The following SLC9B2 variants were observed in gnomAD, a reference collection of about 807,000 sequenced individuals.
The protein encoded by SLC9B2 is sodium/hydrogen exchanger 9B2.
In SLC9B2, 39 loss-of-function variants were observed where a neutral mutation model predicts 52.2. The observed-to-expected ratio is 0.75, with a 90% CI of 0.58 to 0.98. SLC9B2 has a LOEUF of 0.98. Among genes scored for constraint, SLC9B2 ranks in the 50% least tolerant of loss-of-function variants. The probability of loss-of-function intolerance (pLI) is 0.00; values close to 1 mark genes in which losing one functional copy is unlikely to be tolerated. For synonymous variants in SLC9B2, 214 were observed against 227.0 expected (o/e 0.94, Z 0.51); for missense variants, 626 against 637.5 (o/e 0.98, Z 0.19).
intron 9 of SLC9B2, among the ~76,000 whole-genome samples, chr4:103,036,626 T>C (rs1202195889): frequency 7.0e-6 from 1 of 141,958 alleles, no homozygotes; most frequent in East Asian, 2.0e-4. Context: ...GGAGTAATTA[T>C]GAAACACAAA....
At chr4:103,044,200 C>T (rs1289070393) in intron 8 of SLC9B2, among the ~76,000 whole-genome samples, 4 of 152,166 alleles carry the variant, frequency 2.6e-5, no homozygotes, top group African/African-American at 9.7e-5. Flanking sequence ...AGTCACTTAT[C>T]CTGCCTAAGC....
chr4:103,043,731 C>T (rs530233042), intron 8 of SLC9B2, among the ~76,000 whole-genome samples: 3 of 152,266 alleles, frequency 2.0e-5, no homozygotes, highest in East Asian at 3.9e-4. Flanking sequence ...AGTACATGAG[C>T]TTTGGAGCTG....
At chr4:103,042,891 T>G (rs911740484) in intron 9 of SLC9B2, among the ~76,000 whole-genome samples, 2 of 152,098 alleles carry the variant, frequency 1.3e-5, no homozygotes, top group African/African-American at 4.8e-5. Context: ...TGGCACTATT[T>G]TTTTTCTTTC....
chr4:103,058,873 G>A (rs1392132150), intron 3 of SLC9B2, among the ~76,000 whole-genome samples: 1 of 152,108 alleles, frequency 6.6e-6, no homozygotes, highest in Non-Finnish European at 1.5e-5. Flanking sequence ...ACCAGCCTGA[G>A]CAACATAGTG....
intron 1 of SLC9B2, among the ~76,000 whole-genome samples, 170 bp from the exon 2 acceptor site, chr4:103,067,762 T>C (rs1417344632): frequency 6.6e-6 from 1 of 152,224 alleles, no homozygotes; most frequent in African/African-American, 2.4e-5. Context: ...GATTCTAGTA[T>C]ATTATCATCA....
chr4:103,070,058 T>C (rs1307566020), intron 1 of SLC9B2, among the ~76,000 whole-genome samples: 1 of 152,190 alleles, frequency 6.6e-6, no homozygotes, highest in Non-Finnish European at 1.5e-5. Context: ...AAAGTACTTA[T>C]ACATGATCAG....
chr4:103,047,843 C>G (rs1218007551), intron 6 of SLC9B2, among the ~76,000 whole-genome samples: 5 of 152,068 alleles, frequency 3.3e-5, no homozygotes, highest in Non-Finnish European at 5.9e-5. Flanking sequence ...TCCAGAAAAA[C>G]ATGTATGTGT....
At chr4:103,038,633 C>A (rs564502465) in intron 9 of SLC9B2, among the ~76,000 whole-genome samples, 2 of 152,078 alleles carry the variant, frequency 1.3e-5, no homozygotes, top group African/African-American at 4.8e-5. Flanking sequence ...TAGTAAGAAT[C>A]TGAAAAAATA....
chr4:103,041,433 T>C (rs1743631279), intron 9 of SLC9B2, among the ~76,000 whole-genome samples: 1 of 152,220 alleles, frequency 6.6e-6, no homozygotes, highest in Admixed American at 6.5e-5. Flanking sequence ...CATTTATAGA[T>C]AACCACATTA....
chr4:103,041,597 A>G (rs2110597727), intron 9 of SLC9B2, among the ~76,000 whole-genome samples: 1 of 152,276 alleles, frequency 6.6e-6, no homozygotes, highest in South Asian at 2.1e-4. Flanking sequence ...TCTGTTTCAA[A>G]TGATATTGCT....
chr4:103,064,432 G>T (rs1745925381), intron 3 of SLC9B2, among the ~76,000 whole-genome samples: 1 of 152,164 alleles, frequency 6.6e-6, no homozygotes, highest in Non-Finnish European at 1.5e-5. Context: ...CTCATATGTA[G>T]AATCTAAAAC....
chr4:103,046,510 G>C, intron 7 of SLC9B2, among the ~76,000 whole-genome samples: 1 of 152,112 alleles, frequency 6.6e-6, no homozygotes, highest in East Asian at 1.9e-4. Context: ...GTATTAATGG[G>C]ACATCCATTA....
Position 103,026,379 on chromosome 4 carries a change from C to A in SLC9B2, c.1605G>T (p.Val535=). 1 of 1,610,146 alleles carries A rather than the reference C, an allele frequency of 6.2e-7. No homozygotes were observed. The highest frequency in any genetic ancestry group is 2.2e-5 in the East Asian group (1 of 44,800). ...CTCTCTCTTTTCACCTCTAAACTTG[C>A]ACAGAAGTCTCTCCTTGAACTTCTT... is the stretch of plus-strand genomic sequence containing the variant. ...KDEEVQGETS[V]QV Residue 535 remains valine (V), a synonymous_variant, in exon 12 of 12, where the codon GTG becomes GTT. Coordinates refer to ENST00000394785, the MANE Select transcript of SLC9B2 (RefSeq NM_178833.7).
At chr4:103,026,640 A>G in intron 11 of SLC9B2, 49 bp from the exon 12 acceptor site, 1 of 1,527,366 alleles carries the variant, frequency 6.5e-7, no homozygotes, top group Non-Finnish European at 8.8e-7. Flanking sequence ...ATAAGCACAT[A>G]TAAAAAAAGT....
At position 103,057,844 on chromosome 4, in the gene SLC9B2, C is replaced by A. The variant is rs758938183; in HGVS notation, c.399G>T (p.Gly133=). The A allele has an allele frequency of 6.2e-7, 1 of 1,613,668 alleles. No individual in the cohort carries two copies. The highest frequency in any genetic ancestry group is 1.1e-5 in the South Asian group (1 of 90,930). Residue 133 remains glycine (G), a synonymous_variant, in exon 4 of 12, where the codon GGG becomes GGT. Coordinates refer to ENST00000394785, the MANE Select transcript of SLC9B2 (RefSeq NM_178833.7). ...GAGGCAATGTAGGTAACTTAATAAGCCCCAAAAGTTTACCACCAATGATGG... is the reference window on the plus strand; with the variant it reads ...GAGGCAATGTAGGTAACTTAATAAGACCCAAAAGTTTACCACCAATGATGG... ...YCAIIGGKLL[G]LIKLPTLPPL...
chr4:103,027,794 A>G (rs544748360), intron 11 of SLC9B2, among the ~76,000 whole-genome samples: 2 of 152,290 alleles, frequency 1.3e-5, no homozygotes, highest in East Asian at 3.9e-4. Context: ...GACATTTTTG[A>G]AAGTCTGATA....
At position 103,024,746 on chromosome 4, in the gene SLC9B2, A is replaced by C. The variant is rs554301508; in HGVS notation, c.*1624T>G. Among the ~76,000 whole-genome samples the C allele has an allele frequency of 3.9e-5, 6 of 152,214 alleles. No homozygotes were observed. The highest frequency in any genetic ancestry group is 8.8e-5 in the Non-Finnish European group (6 of 68,038). On this transcript the variant is annotated 3_prime_UTR_variant, in exon 12 of 12. Coordinates refer to ENST00000394785, the MANE Select transcript of SLC9B2 (RefSeq NM_178833.7). Reference sequence around the variant, plus strand: ...CACAGATAACATGATAAAAACTGTAAACTGTATGTGAATGTGATTATTTCA... The same window carrying C: ...CACAGATAACATGATAAAAACTGTACACTGTATGTGAATGTGATTATTTCA...
At chr4:103,028,670 C>T in intron 11 of SLC9B2, 77 bp downstream of exon 11, 1 of 1,462,072 alleles carries the variant, frequency 6.8e-7, no homozygotes, top group Non-Finnish European at 9.2e-7. Flanking sequence ...TAAATTTAAA[C>T]AAGCCCTCTT....
At chr4:103,069,193 A>G (rs1013990256) in intron 1 of SLC9B2, among the ~76,000 whole-genome samples, 1 of 152,224 alleles carries the variant, frequency 6.6e-6, no homozygotes, top group Non-Finnish European at 1.5e-5. Flanking sequence ...CTCAGAGAAC[A>G]CTTGTCTTAA....
Sources: allele counts gnomAD v4.1 joint callset (sites outside exome capture counted in the v4.1 genomes callset), GRCh38; gene constraint gnomAD v4.1.1; transcripts MANE v1.5; gene names NCBI Gene and HGNC (gene_info 2026-07-23, HGNC 2026-07-21).